The following TBC1D19 variants were observed in gnomAD, a reference collection of about 807,000 sequenced individuals.
TBC1D19 encodes TBC1 domain family, member 19.
In TBC1D19, 60 loss-of-function variants were observed where a neutral mutation model predicts 89.0. That is an observed-to-expected ratio of 0.67 (90% CI 0.55 to 0.84). The LOEUF (loss-of-function observed/expected upper bound fraction) is 0.84. TBC1D19 is among the 40% of genes least tolerant of loss of function. The pLI, the probability that TBC1D19 is intolerant of heterozygous loss-of-function variation, is 0.00. For synonymous variants in TBC1D19, 189 were observed against 199.7 expected, an observed-to-expected ratio of 0.95 and a Z score of 0.45; for missense variants, 500 against 610.8, an observed-to-expected ratio of 0.82 and a Z score of 1.91.
chr4:26,740,844 T>G, intron 17 of TBC1D19: 1 of 985,392 alleles, frequency 1.0e-6, no homozygotes, highest in Non-Finnish European at 1.2e-6. Context: ...ATTCTAAGCC[T>G]ATATATTCCT....
intron 16 of TBC1D19, among the ~76,000 whole-genome samples, chr4:26,739,164 A>G (rs181297856): frequency 6.6e-6 from 1 of 152,292 alleles, no homozygotes; most frequent in African/African-American, 2.4e-5. Context: ...CGCCAATCCA[A>G]GATTAGGACT....
chr4:26,699,199 G>A (rs1181630459), intron 13 of TBC1D19, among the ~76,000 whole-genome samples: 7 of 152,082 alleles, frequency 4.6e-5, no homozygotes, highest in East Asian at 1.9e-4. Flanking sequence ...AAAAGTGGGT[G>A]GAGGATATGA....
At chr4:26,678,545 C>T (rs1487104543) in intron 11 of TBC1D19, among the ~76,000 whole-genome samples, 2 of 151,098 alleles carry the variant, frequency 1.3e-5, no homozygotes, top group African/African-American at 2.4e-5. Flanking sequence ...TTTTTTCAAC[C>T]TCAGATGACA....
the TBC1D19 span, among the ~76,000 whole-genome samples, chr4:26,792,135 A>T: frequency 6.6e-6 from 1 of 151,764 alleles, no homozygotes; most frequent in African/African-American, 2.4e-5. Flanking sequence ...GAAGAGGTTT[A>T]TGCATTTTTT....
chr4:26,780,756 G>C, the TBC1D19 span, among the ~76,000 whole-genome samples: 1 of 152,138 alleles, frequency 6.6e-6, no homozygotes, highest in Non-Finnish European at 1.5e-5. Flanking sequence ...AGGCTTTTTA[G>C]GGCTGAAATG....
intron 1 of TBC1D19, among the ~76,000 whole-genome samples, chr4:26,604,812 C>T (rs568044289): frequency 3.3e-5 from 5 of 151,878 alleles, no homozygotes; most frequent in African/African-American, 4.8e-5. Context: ...ACCCGGGAGG[C>T]GGAGCTTGCA....
chr4:26,699,169 A>G (rs1351257181), intron 13 of TBC1D19, among the ~76,000 whole-genome samples: 1 of 152,248 alleles, frequency 6.6e-6, no homozygotes, highest in African/African-American at 2.4e-5. Context: ...ACTTACAAGA[A>G]AAAACAAACA....
Position 26,705,125 on chromosome 4 carries a change from TTG to T in TBC1D19, c.955-12806_955-12805del, listed in dbSNP as rs1313676114. ...CATTTTTGGATCAACTTGTTTTTTT[TTG>T]TTGTTGTTGTTGTTATTGTTGAGTC... On this transcript the variant is annotated intron_variant, in intron 13 of 20. Coordinates refer to ENST00000264866, the MANE Select transcript of TBC1D19 (RefSeq NM_018317.4). 1.3e-3 allele frequency among the ~76,000 whole-genome samples: 82 copies of T among 60,922 alleles called. No homozygotes were observed. The East Asian group carries it at 0.027, about 20-fold the overall frequency. 40.0% of individuals were successfully genotyped at this position (60,922 alleles called of 152,430 possible).
At chr4:26,602,878 T>C (rs1740730321) in intron 1 of TBC1D19, among the ~76,000 whole-genome samples, 1 of 152,248 alleles carries the variant, frequency 6.6e-6, no homozygotes, top group Non-Finnish European at 1.5e-5. Context: ...ATCTTTTTAA[T>C]ATTCTGTTGG....
At chr4:26,650,173 AC>A (rs542679069) in intron 7 of TBC1D19, among the ~76,000 whole-genome samples, 193 of 152,140 alleles carry the variant, frequency 1.3e-3, no homozygotes, top group African/African-American at 4.3e-3. Flanking sequence ...CAGAAAACAT[AC>A]GTGTGCATGT....
chr4:26,710,402 G>A (rs2109240788), intron 13 of TBC1D19, among the ~76,000 whole-genome samples: 1 of 152,310 alleles, frequency 6.6e-6, no homozygotes, highest in African/African-American at 2.4e-5. Context: ...TGGTGTGTAT[G>A]TGCCACATTT....
chr4:26,710,564 G>A (rs572190467), intron 13 of TBC1D19, among the ~76,000 whole-genome samples: 8 of 152,252 alleles, frequency 5.3e-5, no homozygotes, highest in African/African-American at 1.7e-4. Flanking sequence ...GGATGGCTGG[G>A]TCAAATGGTA....
Position 26,652,225 on chromosome 4 carries a change from T to C in TBC1D19, c.481-7372T>C, listed in dbSNP as rs181089032. 2.8e-3 allele frequency among the ~76,000 whole-genome samples: 424 copies of C among 152,224 alleles called. 5 individuals are homozygous for C. Among genetic ancestry groups the C allele is most frequent in the African/African-American group, 9.2e-3 (384 of 41,558 alleles). On this transcript the variant is annotated intron_variant, in intron 7 of 20. Coordinates refer to ENST00000264866, the MANE Select transcript of TBC1D19 (RefSeq NM_018317.4). ...TTTGGTATCAGGATGATACTGGCCT[T>C]ATAAAATGAGTTAGGGAGGATTCCC...
chr4:26,655,727 A>T (rs1311711419), intron 7 of TBC1D19, among the ~76,000 whole-genome samples: 1 of 152,200 alleles, frequency 6.6e-6, no homozygotes, highest in Non-Finnish European at 1.5e-5. Context: ...GGAAAAACGC[A>T]GTATTAGGGT....
At chr4:26,818,869 CTAAAA>C in the TBC1D19 span, among the ~76,000 whole-genome samples, 1 of 152,148 alleles carries the variant, frequency 6.6e-6, no homozygotes, top group East Asian at 1.9e-4. Flanking sequence ...TGTGTGTGTA[CTAAAA>C]TCAAGGACAT....
At chr4:26,682,601 G>T (rs1286294619) in intron 11 of TBC1D19, among the ~76,000 whole-genome samples, 1 of 152,190 alleles carries the variant, frequency 6.6e-6, no homozygotes, top group Non-Finnish European at 1.5e-5. Flanking sequence ...TTGCCTTTGG[G>T]TTTGAGAGGA....
At chr4:26,792,262 T>TA in the TBC1D19 span, among the ~76,000 whole-genome samples, 4 of 151,824 alleles carry the variant, frequency 2.6e-5, no homozygotes, top group African/African-American at 4.8e-5. Flanking sequence ...TACTTATTAT[T>TA]AAAAAAAAGA....
chr4:26,834,228 C>A, the TBC1D19 span, among the ~76,000 whole-genome samples: 1 of 152,148 alleles, frequency 6.6e-6, no homozygotes, highest in Admixed American at 6.5e-5. Context: ...CCAATTAAAC[C>A]TCTTTTCTTT....
At chr4:26,666,187 C>CT in intron 8 of TBC1D19, 146 bp from the exon 9 acceptor site, 1 of 543,026 alleles carries the variant, frequency 1.8e-6, no homozygotes, top group Non-Finnish European at 3.2e-6. Context: ...TTAATATGTC[C>CT]TTTTCTTTTT....
Sources: allele counts gnomAD v4.1 joint callset (sites outside exome capture counted in the v4.1 genomes callset), GRCh38; gene constraint gnomAD v4.1.1; transcripts MANE v1.5; gene names NCBI Gene and HGNC (gene_info 2026-07-23, HGNC 2026-07-21).